Variants in GARIN2 observed in about 807,000 individuals in gnomAD.
GARIN2 encodes the protein golgi associated RAB2 interactor family member 2.
At chr14:67,195,233 TTTGTTCAA>T in the GARIN2 span, among the ~76,000 whole-genome samples, 2 of 152,186 alleles carry the variant, frequency 1.3e-5, no homozygotes, top group East Asian at 3.8e-4. Flanking sequence ...TAACCTCAAC[TTTGTTCAA>T]AAAGGAAGAG....
the GARIN2 span, among the ~76,000 whole-genome samples, chr14:67,195,254 G>A: frequency 2.0e-5 from 3 of 152,170 alleles, no homozygotes; most frequent in African/African-American, 7.2e-5. Context: ...AGGAAGAGGG[G>A]CGAGACCCAG....
chr14:67,217,486 T>A, the GARIN2 span, among the ~76,000 whole-genome samples: 7 of 152,322 alleles, frequency 4.6e-5, no homozygotes, highest in South Asian at 1.5e-3. Flanking sequence ...TATCATTTGC[T>A]CCTTACTTCT....
At chr14:67,199,651 T>C in the GARIN2 span, 1 of 1,578,536 alleles carries the variant, frequency 6.3e-7, no homozygotes, top group Non-Finnish European at 8.7e-7. Context: ...TTCTGGCAGC[T>C]CAGAACCCGC....
At chr14:67,213,324 C>G in the GARIN2 span, among the ~76,000 whole-genome samples, 1 of 115,816 alleles carries the variant, frequency 8.6e-6, no homozygotes, top group Admixed American at 1.1e-4. Context: ...CTCCCCCCAC[C>G]CCACAACAGT....
chr14:67,200,325 T>C, the GARIN2 span: 2 of 653,888 alleles, frequency 3.1e-6, no homozygotes, highest in Non-Finnish European at 5.5e-6. Context: ...TCTCCCTCAG[T>C]AAATTCACAT....
chr14:67,225,962 T>TGTGTGTGTGTGTGTGTGTGTGTGTGC, the GARIN2 span, among the ~76,000 whole-genome samples: 3 of 113,490 alleles, frequency 2.6e-5, no homozygotes, highest in African/African-American at 1.0e-4. Context: ...TGTGTGTGTG[T>TGTGTGTGTGTGTGTGTGTGTGTGTGC]GCGCGCGCGC....
the GARIN2 span, among the ~76,000 whole-genome samples, chr14:67,221,020 G>A: frequency 1.3e-5 from 2 of 152,256 alleles, no homozygotes; most frequent in South Asian, 4.1e-4. Flanking sequence ...AATGTGTCAA[G>A]AAATAAGAAT....
chr14:67,198,001 A>T, the GARIN2 span: 1 of 742,776 alleles, frequency 1.3e-6, no homozygotes, highest in Non-Finnish European at 2.1e-6. Flanking sequence ...TGTATGTATT[A>T]ATACAAGTGC....
chr14:67,193,672 G>A, the GARIN2 span, among the ~76,000 whole-genome samples: 3 of 148,138 alleles, frequency 2.0e-5, no homozygotes, highest in African/African-American at 7.4e-5. Context: ...GCCAAGCACA[G>A]TGGCTCATGC....
the GARIN2 span, among the ~76,000 whole-genome samples, chr14:67,212,608 TATATATGTA>T: frequency 6.9e-6 from 1 of 145,092 alleles, no homozygotes; most frequent in African/African-American, 2.5e-5. Flanking sequence ...AATATATATA[TATATATGTA>T]ATATATATTA....
the GARIN2 span, among the ~76,000 whole-genome samples, chr14:67,225,962 T>TGTGC: frequency 0.054 from 6,146 of 113,220 alleles, 193 homozygotes; most frequent in Non-Finnish European, 0.068. Context: ...TGTGTGTGTG[T>TGTGC]GCGCGCGCGC....
the GARIN2 span, chr14:67,224,059 G>A: frequency 2.2e-6 from 2 of 893,060 alleles, no homozygotes; most frequent in Non-Finnish European, 2.7e-6. Flanking sequence ...ACCCAGCAAT[G>A]CTAGTTAGGG....
the GARIN2 span, among the ~76,000 whole-genome samples, chr14:67,210,999 C>CA: frequency 6.6e-6 from 1 of 151,926 alleles, no homozygotes; most frequent in Admixed American, 6.6e-5. Flanking sequence ...CACCCTGCCT[C>CA]AAAAAACAAA....
At chr14:67,199,338 A>G in the GARIN2 span, 161 of 1,613,970 alleles carry the variant, frequency 1.0e-4, no homozygotes, top group Non-Finnish European at 1.3e-4. Context: ...TCAGCTCACA[A>G]CAAAAACCTG....
the GARIN2 span, among the ~76,000 whole-genome samples, chr14:67,203,635 G>A: frequency 2.0e-5 from 3 of 152,332 alleles, no homozygotes; most frequent in African/African-American, 7.2e-5. Flanking sequence ...CTATGATCAT[G>A]AGCAAATTGC....
chr14:67,208,134 G>A, the GARIN2 span: 319 of 1,586,660 alleles, frequency 2.0e-4, no homozygotes, highest in African/African-American at 3.9e-3. Context: ...ATTCGATACT[G>A]TTCCACAAAC....
the GARIN2 span, among the ~76,000 whole-genome samples, chr14:67,218,448 G>A: frequency 6.6e-6 from 1 of 152,154 alleles, no homozygotes; most frequent in African/African-American, 2.4e-5. Flanking sequence ...TGCTCACTGG[G>A]GACAGCCTGT....
the GARIN2 span, among the ~76,000 whole-genome samples, chr14:67,196,408 G>T: frequency 6.6e-5 from 10 of 151,950 alleles, no homozygotes; most frequent in African/African-American, 2.4e-4. Flanking sequence ...GTAGAGACAG[G>T]ATTTCACGAC....
At chr14:67,221,745 G>A in the GARIN2 span, 2 of 1,610,450 alleles carry the variant, frequency 1.2e-6, no homozygotes, top group South Asian at 1.1e-5. Context: ...GGTTATGCTG[G>A]CAAATTTTTG....
Sources: allele counts gnomAD v4.1 joint callset (sites outside exome capture counted in the v4.1 genomes callset), GRCh38; gene constraint gnomAD v4.1.1; transcripts MANE v1.5; gene names NCBI Gene and HGNC (gene_info 2026-07-23, HGNC 2026-07-21).